Variants in DOCK2 observed in about 807,000 individuals in gnomAD.
DOCK2 encodes dedicator of cytokinesis protein 2.
In DOCK2, 87 loss-of-function variants were observed where a neutral mutation model predicts 248.9. The ratio of observed to expected loss-of-function variants is 0.35; its 90% confidence interval spans 0.29 to 0.42. The LOEUF is 0.42. DOCK2 is among the 10% of genes least tolerant of loss of function. The pLI, the probability that DOCK2 is intolerant of heterozygous loss-of-function variation, is 1.00. For synonymous variants in DOCK2, 805 were observed against 821.6 expected, an observed-to-expected ratio of 0.98 and a Z score of 0.35; for missense variants, 1,747 against 2,300.2, an observed-to-expected ratio of 0.76 and a Z score of 4.92.
At chr5:169,670,991 C>A in intron 4 of DOCK2, 87 bp from the exon 5 acceptor site, 2 of 1,125,520 alleles carry the variant, frequency 1.8e-6, no homozygotes, top group Non-Finnish European at 2.6e-6. Context: ...CCCTCCGCAG[C>A]TGCAGCTTAA....
At chr5:169,818,867 T>TG (rs912792232) in intron 26 of DOCK2, among the ~76,000 whole-genome samples, 14 of 152,208 alleles carry the variant, frequency 9.2e-5, no homozygotes, top group Non-Finnish European at 1.3e-4. Context: ...CTCAATGTTC[T>TG]GGGGGGCAGA....
At chr5:169,895,308 C>A (rs1481254500) in intron 27 of DOCK2, among the ~76,000 whole-genome samples, 1 of 152,116 alleles carries the variant, frequency 6.6e-6, no homozygotes, top group African/African-American at 2.4e-5. Flanking sequence ...CCTTCCCTCT[C>A]TTGTTTCTTG....
chr5:169,949,949 A>T (rs1472395121), intron 27 of DOCK2, among the ~76,000 whole-genome samples: 1 of 152,130 alleles, frequency 6.6e-6, no homozygotes, highest in Non-Finnish European at 1.5e-5. Flanking sequence ...ACTGGCTTAG[A>T]TTATCCTCTG....
At chr5:169,810,987 T>A (rs62384819) in intron 26 of DOCK2, among the ~76,000 whole-genome samples, 4,147 of 75,764 alleles carry the variant, frequency 0.055, 73 homozygotes, top group Middle Eastern at 0.12. Context: ...TCTCTCTCTC[T>A]CTCACACACA....
chr5:169,837,074 C>T (rs1769627628), intron 26 of DOCK2, among the ~76,000 whole-genome samples: 1 of 152,138 alleles, frequency 6.6e-6, no homozygotes, highest in Admixed American at 6.5e-5. Context: ...CCCATCCACT[C>T]CCAGCTCACC....
chr5:169,752,212 T>G lies in DOCK2; in HGVS notation c.2376+4708T>G, dbSNP rs148428412. ...TGTTGTGCAGGCCAATTTGCCCCACTCTCCTTACGATCCATGGTATTTCAT... is the reference window on the plus strand; with the variant it reads ...TGTTGTGCAGGCCAATTTGCCCCACGCTCCTTACGATCCATGGTATTTCAT... On this transcript the variant is annotated intron_variant, in intron 23 of 51. Transcript: ENST00000520908. Among the ~76,000 whole-genome samples the G allele has an allele frequency of 1.7e-4, 26 of 152,236 alleles. No homozygotes were observed. In the East Asian group the frequency reaches 4.8e-3, roughly 28 times the overall value.
intron 1 of DOCK2, among the ~76,000 whole-genome samples, chr5:169,640,015 TGCC>T (rs753010193): frequency 5.9e-5 from 9 of 152,266 alleles, no homozygotes; most frequent in Non-Finnish European, 8.8e-5. Context: ...GCTGTCTTGC[TGCC>T]TCTTCATTGC....
chr5:169,943,519 C>T (rs901867440), intron 27 of DOCK2, among the ~76,000 whole-genome samples: 1 of 152,190 alleles, frequency 6.6e-6, no homozygotes, highest in African/African-American at 2.4e-5. Flanking sequence ...TCCCACATTC[C>T]CATACAAGTC....
chr5:169,916,424 C>T (rs1774878395), intron 27 of DOCK2, among the ~76,000 whole-genome samples: 2 of 152,152 alleles, frequency 1.3e-5, no homozygotes, highest in Non-Finnish European at 2.9e-5. Context: ...CTGAAGAAAC[C>T]TTGCCATGGG....
At chr5:169,815,865 G>A (rs528155355) in intron 26 of DOCK2, among the ~76,000 whole-genome samples, 1 of 152,224 alleles carries the variant, frequency 6.6e-6, no homozygotes, top group Non-Finnish European at 1.5e-5. Flanking sequence ...AATGGAGAAG[G>A]TACCCTTCTA....
intron 27 of DOCK2, among the ~76,000 whole-genome samples, chr5:169,923,769 T>A (rs1049047068): frequency 1.3e-5 from 2 of 152,216 alleles, no homozygotes; most frequent in Non-Finnish European, 2.9e-5. Context: ...ATATATGGCA[T>A]GTTTCTTAAA....
intron 30 of DOCK2, among the ~76,000 whole-genome samples, chr5:169,997,023 C>T (rs1754662579): frequency 6.6e-6 from 1 of 152,018 alleles, no homozygotes; most frequent in Non-Finnish European, 1.5e-5. Context: ...AGGATCCCGC[C>T]AGCCTCTGAG....
intron 15 of DOCK2, among the ~76,000 whole-genome samples, chr5:169,710,199 T>A (rs1275673931): frequency 6.6e-6 from 1 of 152,202 alleles, no homozygotes; most frequent in Non-Finnish European, 1.5e-5. Context: ...TGGAGGCACC[T>A]CTCTGAATCT....
At chr5:169,804,903 T>C (rs892797765) in intron 26 of DOCK2, among the ~76,000 whole-genome samples, 8 of 152,202 alleles carry the variant, frequency 5.3e-5, no homozygotes, top group African/African-American at 1.9e-4. Context: ...TCTAGATTCA[T>C]TCAGATGATG....
chr5:169,708,568 CT>C (rs35842616), intron 15 of DOCK2, among the ~76,000 whole-genome samples: 78 of 144,224 alleles, frequency 5.4e-4, no homozygotes, highest in Non-Finnish European at 4.5e-4. Flanking sequence ...TAGCATTCTT[CT>C]TTTTTTTTTT....
rs114025818 is a variant in DOCK2 at position 169,984,793 on chromosome 5, A to C, written c.2899-1035A>C. Among the ~76,000 whole-genome samples, 554 of 152,308 alleles carry C rather than the reference A, an allele frequency of 3.6e-3. 1 individual carries two copies. The highest frequency in any genetic ancestry group is 0.017 in the Middle Eastern group (5 of 294). On this transcript the variant is annotated intron_variant, in intron 28 of 51. Transcript: ENST00000520908. ...TTGAAAACCACCAACTTAAGGAAACAACTCTGAACGGATTTCCTCTAGATT... is the reference window on the plus strand; with the variant it reads ...TTGAAAACCACCAACTTAAGGAAACCACTCTGAACGGATTTCCTCTAGATT...
intron 32 of DOCK2, among the ~76,000 whole-genome samples, chr5:170,010,527 G>A (rs1451249495): frequency 6.6e-6 from 1 of 152,200 alleles, no homozygotes; most frequent in Non-Finnish European, 1.5e-5. Flanking sequence ...AAAAAAGACA[G>A]TCACTGTTCC....
chr5:170,015,567 T>TTTTG (rs34726439), intron 32 of DOCK2, among the ~76,000 whole-genome samples: 64,683 of 150,952 alleles, frequency 0.43, 14,849 homozygotes, highest in African/African-American at 0.6. Context: ...TTTAGGTTTT[T>TTTTG]TTTGTTTGTT....
chr5:169,748,682 A>G (rs958431372), intron 23 of DOCK2, among the ~76,000 whole-genome samples: 21 of 152,164 alleles, frequency 1.4e-4, no homozygotes, highest in African/African-American at 5.1e-4. Context: ...AGGTCCTAAC[A>G]CTATTTGGTC....
Sources: gnomAD v4.1 joint callset for allele counts (sites outside exome capture counted in the v4.1 genomes callset) on GRCh38, gnomAD v4.1.1 for gene constraint, MANE v1.5 for transcripts, NCBI Gene and HGNC (gene_info 2026-07-23, HGNC 2026-07-21) for gene names.